The following OSBPL8 variants were observed in gnomAD, a reference collection of about 807,000 sequenced individuals.
OSBPL8 encodes oxysterol binding protein like 8.
Under a neutral mutation model 125.5 loss-of-function variants are expected in OSBPL8, and 59 were observed. The ratio of observed to expected loss-of-function variants is 0.47; its 90% CI spans 0.38 to 0.58. The LOEUF is 0.58. Ranked by LOEUF, OSBPL8 falls within the 20% of genes least tolerant of loss-of-function variation. The probability of loss-of-function intolerance (pLI) is 0.00; values close to 1 mark genes in which losing one functional copy is unlikely to be tolerated. For synonymous variants in OSBPL8, 330 were observed against 338.9 expected, an observed-to-expected ratio of 0.97 and a Z score of 0.29; for missense variants, 758 against 1,047.8, an observed-to-expected ratio of 0.72 and a Z score of 3.82.
rs1951937098 is a variant in OSBPL8 at position 76,355,164 on chromosome 12, C to G, written c.*725G>C. The stretch of plus-strand genomic sequence containing the variant: ...CAAGTGCTTAAGGTGGTATTATAAT[C>G]AATCCAATTAATTGCACACCAGTGT... On this transcript the variant is annotated 3_prime_UTR_variant, in exon 24 of 24. Coordinates refer to ENST00000261183, the MANE Select transcript of OSBPL8 (RefSeq NM_020841.5). The G allele has an allele frequency of 6.6e-6, 1 of 152,406 alleles. No homozygotes were observed. Among genetic ancestry groups the G allele is most frequent in the African/African-American group, 2.4e-5 (1 of 41,414 alleles). The allele number at this position is 152,406 out of a possible 1,614,324, so 9.4% of individuals were successfully genotyped here.
At chr12:76,388,177 T>A (rs976026803) in intron 12 of OSBPL8, among the ~76,000 whole-genome samples, 1 of 152,334 alleles carries the variant, frequency 6.6e-6, no homozygotes, top group Non-Finnish European at 1.5e-5. Flanking sequence ...ACTGGAGTTA[T>A]ATCTAATGTT....
intron 1 of OSBPL8, among the ~76,000 whole-genome samples, chr12:76,492,751 A>G (rs1190961792): frequency 6.6e-6 from 1 of 152,140 alleles, no homozygotes; most frequent in African/African-American, 2.4e-5. Flanking sequence ...AAACAAGCCC[A>G]GGGCTCCCAC....
chr12:76,381,981 C>T (rs972395430), intron 15 of OSBPL8, among the ~76,000 whole-genome samples: 6 of 152,254 alleles, frequency 3.9e-5, no homozygotes, highest in East Asian at 3.9e-4. Flanking sequence ...GTGATCCACC[C>T]ACCTTGGTCT....
intron 1 of OSBPL8, among the ~76,000 whole-genome samples, chr12:76,536,754 G>A (rs1950510178): frequency 6.8e-6 from 1 of 147,932 alleles, no homozygotes; most frequent in Non-Finnish European, 1.5e-5. Flanking sequence ...AAAGGAGCAA[G>A]TCATATGTAT....
At chr12:76,515,556 A>G (rs969683279) in intron 1 of OSBPL8, among the ~76,000 whole-genome samples, 1 of 152,180 alleles carries the variant, frequency 6.6e-6, no homozygotes, top group African/African-American at 2.4e-5. Flanking sequence ...TTCCCTCTCA[A>G]CACTCTGAAA....
chr12:76,551,485 A>G (rs1274498575), intron 1 of OSBPL8, among the ~76,000 whole-genome samples: 1 of 152,250 alleles, frequency 6.6e-6, no homozygotes, highest in Non-Finnish European at 1.5e-5. Context: ...AAATATCAAC[A>G]GAGTCAAGTT....
At chr12:76,548,752 G>GA (rs1228313036) in intron 1 of OSBPL8, among the ~76,000 whole-genome samples, 11 of 150,722 alleles carry the variant, frequency 7.3e-5, no homozygotes, top group East Asian at 1.9e-4. Context: ...CCTACTCAAA[G>GA]AAAAAAAAAT....
Position 76,402,675 on chromosome 12 carries a change from A to T in OSBPL8, c.366+14T>A. 6.4e-7 allele frequency: 1 copy of T among 1,565,196 alleles called. No homozygotes were observed. Among genetic ancestry groups the T allele is most frequent in the Non-Finnish European group, 8.8e-7 (1 of 1,136,942 alleles). Reference sequence around the variant, plus strand: ...ACAATGTAAATTACCTTTCAGAAACAACTGGAAACTAACCTTAAGAGATTC... The same window carrying T: ...ACAATGTAAATTACCTTTCAGAAACTACTGGAAACTAACCTTAAGAGATTC... On this transcript the variant is annotated intron_variant, in intron 6 of 23. Coordinates refer to ENST00000261183, the MANE Select transcript of OSBPL8 (RefSeq NM_020841.5).
intron 4 of OSBPL8, among the ~76,000 whole-genome samples, chr12:76,415,318 G>A (rs1016470264): frequency 1.3e-4 from 20 of 151,598 alleles, no homozygotes; most frequent in Admixed American, 2.0e-4. Flanking sequence ...CACGATCTCG[G>A]CTCACTGCAA....
chr12:76,536,354 A>C (rs74105509), intron 1 of OSBPL8, among the ~76,000 whole-genome samples: 53 of 151,950 alleles, frequency 3.5e-4, no homozygotes, highest in Middle Eastern at 3.4e-3. Context: ...TAAATATTAA[A>C]TACTAAAAAT....
intron 21 of OSBPL8, among the ~76,000 whole-genome samples, chr12:76,363,436 T>C (rs542396010): frequency 1.3e-5 from 2 of 152,032 alleles, no homozygotes; most frequent in Admixed American, 1.3e-4. Flanking sequence ...ATAAACAGGG[T>C]TGGGAAAACT....
chr12:76,462,051 C>G (rs1252095098), intron 2 of OSBPL8, among the ~76,000 whole-genome samples: 1 of 152,146 alleles, frequency 6.6e-6, no homozygotes, highest in Non-Finnish European at 1.5e-5. Flanking sequence ...CATCGTTTCC[C>G]TAGATTTATC....
At chr12:76,530,623 T>A (rs1950309860) in intron 1 of OSBPL8, among the ~76,000 whole-genome samples, 1 of 152,128 alleles carries the variant, frequency 6.6e-6, no homozygotes, top group Non-Finnish European at 1.5e-5. Context: ...GTATATTATA[T>A]CCCCAAATAG....
chr12:76,434,607 T>C (rs1565894315), intron 4 of OSBPL8, among the ~76,000 whole-genome samples: 1 of 152,118 alleles, frequency 6.6e-6, no homozygotes, highest in Non-Finnish European at 1.5e-5. Context: ...GTATCTAATA[T>C]GGGGCTAATA....
At chr12:76,431,650 C>A (rs2136578221) in intron 4 of OSBPL8, among the ~76,000 whole-genome samples, 2 of 152,120 alleles carry the variant, frequency 1.3e-5, no homozygotes, top group East Asian at 3.9e-4. Context: ...AAAACTGTCA[C>A]AAGAGACAAA....
chr12:76,400,956 G>A (rs1028186545), intron 6 of OSBPL8, among the ~76,000 whole-genome samples: 4 of 151,610 alleles, frequency 2.6e-5, no homozygotes, highest in African/African-American at 7.3e-5. Flanking sequence ...GCCTGGCTAA[G>A]TTTTGTATTT....
intron 1 of OSBPL8, among the ~76,000 whole-genome samples, chr12:76,504,402 A>G (rs995905432): frequency 2.0e-5 from 3 of 152,234 alleles, no homozygotes; most frequent in African/African-American, 4.8e-5. Flanking sequence ...AAAGCACGGA[A>G]ACTACATTTT....
chr12:76,469,932 AC>A (rs1164875957), intron 2 of OSBPL8, among the ~76,000 whole-genome samples: 1 of 152,306 alleles, frequency 6.6e-6, no homozygotes, highest in African/African-American at 2.4e-5. Flanking sequence ...AGTGATTATA[AC>A]CCTAATACCT....
At chr12:76,456,058 G>A (rs1274533939) in intron 3 of OSBPL8, among the ~76,000 whole-genome samples, 1 of 152,092 alleles carries the variant, frequency 6.6e-6, no homozygotes, top group Non-Finnish European at 1.5e-5. Context: ...CATCTAAGGA[G>A]AACATGAATC....
Sources: allele counts gnomAD v4.1 joint callset (sites outside exome capture counted in the v4.1 genomes callset), GRCh38; gene constraint gnomAD v4.1.1; transcripts MANE v1.5; gene names NCBI Gene and HGNC (gene_info 2026-07-23, HGNC 2026-07-21).